Variants in PHLDB2 observed in about 807,000 individuals in gnomAD.
PHLDB2 encodes pleckstrin homology-like domain family B member 2.
A neutral mutation model predicts 123.6 loss-of-function variants in PHLDB2; 71 were observed. That is an observed-to-expected ratio of 0.57 (90% CI 0.47 to 0.70). The LOEUF is 0.70. PHLDB2 is among the 30% of genes least tolerant of loss of function. The probability of loss-of-function intolerance (pLI) is 0.00; values close to 1 mark genes in which losing one functional copy is unlikely to be tolerated. For missense variants in PHLDB2, 1,446 were observed against 1,519.5 expected (o/e 0.95, Z 0.80); for synonymous variants, 547 against 541.6 (o/e 1.01, Z -0.14).
intron 1 of PHLDB2, among the ~76,000 whole-genome samples, chr3:111,828,200 G>C (rs2062759037): frequency 1.3e-5 from 2 of 152,194 alleles, no homozygotes; most frequent in African/African-American, 2.4e-5. Flanking sequence ...TTCTGGGGCA[G>C]AGTGAACCAA....
At position 111,829,485 on chromosome 3, in the gene PHLDB2, G is replaced by A. The variant is rs1576774676; in HGVS notation, c.-48-16336G>A. Among the ~76,000 whole-genome samples, 6 of 54,990 alleles carry A rather than the reference G, an allele frequency of 1.1e-4. No individual in the cohort carries two copies. The South Asian group carries it at 3.4e-3, about 31-fold the overall frequency. The allele number at this position is 54,990 out of a possible 152,430, so 36.1% of individuals were successfully genotyped here. On this transcript the variant is annotated intron_variant, in intron 1 of 17. Transcript: ENST00000393923. Reference sequence around the variant, plus strand: ...TTTTTTTTGGTTTTTTTTTTTTTTTGAGATTGAGTCTTGCTATTACCAGGC... The same window carrying A: ...TTTTTTTTGGTTTTTTTTTTTTTTTAAGATTGAGTCTTGCTATTACCAGGC...
intron 1 of PHLDB2, among the ~76,000 whole-genome samples, chr3:111,743,881 T>C (rs1412843251): frequency 6.6e-6 from 1 of 152,246 alleles, no homozygotes; most frequent in Non-Finnish European, 1.5e-5. Context: ...AATCACACTC[T>C]TAATGAACAA....
intron 1 of PHLDB2, among the ~76,000 whole-genome samples, chr3:111,759,470 C>T (rs1399313876): frequency 6.6e-6 from 1 of 152,092 alleles, no homozygotes; most frequent in East Asian, 1.9e-4. Flanking sequence ...TGAGGAGACA[C>T]CAACATTTAG....
intron 12 of PHLDB2, chr3:111,958,198 C>T: frequency 1.1e-6 from 1 of 894,652 alleles, no homozygotes; most frequent in Non-Finnish European, 1.3e-6. Flanking sequence ...GTATCTTTTT[C>T]CCTTTCTACA....
At chr3:111,864,913 T>C (rs1159797573) in intron 1 of PHLDB2, among the ~76,000 whole-genome samples, 1 of 152,250 alleles carries the variant, frequency 6.6e-6, no homozygotes, top group Non-Finnish European at 1.5e-5. Context: ...TAGAATGTTT[T>C]GTTTGCACAT....
intron 1 of PHLDB2, among the ~76,000 whole-genome samples, chr3:111,739,943 T>G (rs975791821): frequency 6.6e-6 from 1 of 152,192 alleles, no homozygotes; most frequent in Non-Finnish European, 1.5e-5. Context: ...GACATTCTAT[T>G]TCAAGCATTT....
At chr3:111,878,130 A>G (rs2107295572) in intron 1 of PHLDB2, among the ~76,000 whole-genome samples, 1 of 152,278 alleles carries the variant, frequency 6.6e-6, no homozygotes, top group East Asian at 1.9e-4. Context: ...TGAATCTATA[A>G]ATTACTTTGG....
At chr3:111,867,831 A>T (rs2065157238) in intron 1 of PHLDB2, among the ~76,000 whole-genome samples, 1 of 150,894 alleles carries the variant, frequency 6.6e-6, no homozygotes, top group Non-Finnish European at 1.5e-5. Context: ...CCTTCCCAGT[A>T]GCTGGGACTG....
At chr3:111,900,819 C>A (rs1043455506) in intron 2 of PHLDB2, among the ~76,000 whole-genome samples, 3 of 152,148 alleles carry the variant, frequency 2.0e-5, no homozygotes, top group African/African-American at 7.2e-5. Flanking sequence ...AAGCAAAATG[C>A]AGTAAAATGA....
chr3:111,962,451 T>C lies in PHLDB2; in HGVS notation c.3077+139T>C, dbSNP rs182416824. On this transcript the variant is annotated intron_variant, in intron 13 of 17. Transcript: ENST00000431670. ...AAAGGGTCTGTAATGCAGAAGAGGG[T>C]TGGTATCATGATGGCCTTTGAAAGT... 1,545 of 675,884 alleles carry C rather than the reference T, an allele frequency of 2.3e-3. 2 individuals are homozygous for C. Among genetic ancestry groups the C allele is most frequent in the Non-Finnish European group, 3.3e-3 (1,361 of 410,134 alleles). 41.9% of individuals were successfully genotyped at this position (675,884 alleles called of 1,614,324 possible).
In PHLDB2 at chr3:111,940,566, A is replaced by G. The variant is rs766757436; in HGVS notation, c.2318A>G (p.Asn773Ser). 4.4e-6 allele frequency: 7 copies of G among 1,601,402 alleles called. No individual in the cohort carries two copies. Among genetic ancestry groups the G allele is most frequent in the African/African-American group, 2.7e-5 (2 of 74,278 alleles). Residue 773 changes from asparagine (N) to serine (S), a missense_variant, in exon 8 of 18, where the codon AAT becomes AGT. Asn to Ser is a conservative substitution (Grantham distance 46). Around this residue, in one of 3 missense-constraint regions of PHLDB2, gnomAD observed 594 missense variants for 646.0 expected, o/e 0.92. Coordinates refer to ENST00000431670, the MANE Select transcript of PHLDB2 (RefSeq NM_001134438.2). ...EKISALKKQA[N>S]HIVQQAQREQ... is the part of the protein sequence containing the mutation. ...ATTTCTGCATTGAAAAAGCAAGCCA[A>G]TCACATTGTTCAGCAGGCTCAGAGA... is the stretch of plus-strand genomic sequence containing the variant.
Position 111,756,549 on chromosome 3 carries a change from C to T in PHLDB2, c.-49+23846C>T, listed in dbSNP as rs576994653. ...TTTTGAGCCTATGTGTGTCTCTGCACGTGAGATGGATTTACTGCATACAGC... is the reference window on the plus strand; with the variant it reads ...TTTTGAGCCTATGTGTGTCTCTGCATGTGAGATGGATTTACTGCATACAGC... On this transcript the variant is annotated intron_variant, in intron 1 of 17. Coordinates refer to the PHLDB2 transcript ENST00000393923. Among the ~76,000 whole-genome samples, 426 of 152,212 alleles carry T rather than the reference C, an allele frequency of 2.8e-3. 2 individuals are homozygous for T. Among genetic ancestry groups the T allele is most frequent in the African/African-American group, 9.5e-3 (393 of 41,516 alleles).
rs764819834 is a variant in PHLDB2 at position 111,885,322 on chromosome 3, T to C, written c.1245T>C (p.Ser415=). Residue 415 remains serine, a synonymous_variant, in exon 2 of 18, where the codon AGT becomes AGC. Coordinates refer to ENST00000431670, the MANE Select transcript of PHLDB2 (RefSeq NM_001134438.2). ...CTGCCCTTCGGGAACGGAAAAGCAG[T>C]ATTAGCTCCATTTCAGGACGTGATG... ...PQPALRERKS[S]ISSISGRDDL... The C allele has an allele frequency of 6.2e-7, 1 of 1,614,078 alleles. No individual in the cohort carries two copies. Among genetic ancestry groups the C allele is most frequent in the South Asian group, 1.1e-5 (1 of 91,084 alleles).
At chr3:111,966,910 A>AAT (rs1184772484) in intron 14 of PHLDB2, among the ~76,000 whole-genome samples, 1 of 151,876 alleles carries the variant, frequency 6.6e-6, no homozygotes, top group East Asian at 1.9e-4. Flanking sequence ...CATAACTTGA[A>AAT]ATATATATAT....
chr3:111,861,005 AT>A (rs2064807693), intron 1 of PHLDB2, among the ~76,000 whole-genome samples: 1 of 152,318 alleles, frequency 6.6e-6, no homozygotes, highest in East Asian at 1.9e-4. Flanking sequence ...CGTTCGAGAT[AT>A]GTCTCTGGGA....
intron 1 of PHLDB2, among the ~76,000 whole-genome samples, chr3:111,818,091 T>G (rs1369565549): frequency 2.6e-5 from 4 of 152,078 alleles, no homozygotes; most frequent in African/African-American, 9.7e-5. Flanking sequence ...ATAGTTTCTA[T>G]TAAATGTAAG....
chr3:111,791,276 A>G (rs550702311), intron 1 of PHLDB2, among the ~76,000 whole-genome samples: 6 of 152,340 alleles, frequency 3.9e-5, no homozygotes, highest in African/African-American at 1.4e-4. Flanking sequence ...TTTCCTATAC[A>G]GGACCCCTGT....
At chr3:111,745,346 G>A (rs2059664353) in intron 1 of PHLDB2, among the ~76,000 whole-genome samples, 1 of 152,180 alleles carries the variant, frequency 6.6e-6, no homozygotes, top group Non-Finnish European at 1.5e-5. Flanking sequence ...AAAAGCACTA[G>A]AATATTTGCC....
chr3:111,802,651 C>G (rs955215355), intron 1 of PHLDB2, among the ~76,000 whole-genome samples: 3 of 152,184 alleles, frequency 2.0e-5, no homozygotes, highest in Non-Finnish European at 4.4e-5. Flanking sequence ...ATAGCTTGTT[C>G]TTGTGAGTAA....
Sources: allele counts gnomAD v4.1 joint callset (sites outside exome capture counted in the v4.1 genomes callset), GRCh38; gene constraint gnomAD v4.1.1; regional missense constraint gnomAD v4.1.1; transcripts MANE v1.5; gene names NCBI Gene and HGNC (gene_info 2026-07-23, HGNC 2026-07-21).